The following CPE variants were observed in gnomAD, a reference collection of about 807,000 sequenced individuals.
CPE encodes carboxypeptidase E, also known as carbocypeptidase E.
A neutral mutation model predicts 53.5 loss-of-function variants in CPE; 17 were observed. That is an observed-to-expected ratio of 0.32 (90% CI 0.22 to 0.48). CPE has a LOEUF of 0.48. Among genes scored for constraint, CPE ranks in the 20% least tolerant of loss-of-function variants. The probability of loss-of-function intolerance (pLI) is 0.99; values close to 1 mark genes in which losing one functional copy is unlikely to be tolerated. For missense variants in CPE, 524 were observed against 614.7 expected (o/e 0.85, Z 1.56); for synonymous variants, 226 against 228.8 (o/e 0.99, Z 0.11).
intron 2 of CPE, among the ~76,000 whole-genome samples, chr4:165,465,140 G>GA (rs1302919575): frequency 1.3e-5 from 2 of 151,804 alleles, no homozygotes; most frequent in African/African-American, 4.8e-5. Context: ...AGATGAACTG[G>GA]AAAGTAATGC....
intron 1 of CPE, among the ~76,000 whole-genome samples, chr4:165,397,975 C>T (rs909431105): frequency 5.3e-5 from 8 of 150,510 alleles, no homozygotes; most frequent in Admixed American, 2.0e-4. Flanking sequence ...TTGCTTGAGC[C>T]CAGGAGTTGG....
rs4691199 is a variant in CPE, at chr4:165,451,209, C to T, written c.308-13181C>T. 4.9e-3 allele frequency among the ~76,000 whole-genome samples: 750 copies of T among 152,300 alleles called. 12 individuals are homozygous for T. In the East Asian group the frequency reaches 0.054, roughly 11 times the overall value. On this transcript the variant is annotated intron_variant, in intron 1 of 8. Transcript: ENST00000402744. ...GTCTGAATCAGGCCGATGTTATTGTCTATATTCCTGGAAGGATTGCTTAAT... is the reference window on the plus strand; with the variant it reads ...GTCTGAATCAGGCCGATGTTATTGTTTATATTCCTGGAAGGATTGCTTAAT...
intron 1 of CPE, among the ~76,000 whole-genome samples, chr4:165,424,690 C>T (rs112778025): frequency 0.29 from 44,508 of 151,276 alleles, 6,601 homozygotes; most frequent in Middle Eastern, 0.39. Context: ...CCCGCCACCA[C>T]GCCCGGCTAA....
At chr4:165,393,030 T>C (rs1730710212) in intron 1 of CPE, among the ~76,000 whole-genome samples, 1 of 151,958 alleles carries the variant, frequency 6.6e-6, no homozygotes, top group African/African-American at 2.4e-5. Context: ...TTGAGCACTC[T>C]CTAGTAAGCC....
At chr4:165,400,498 T>C (rs1374277241) in intron 1 of CPE, among the ~76,000 whole-genome samples, 1 of 152,114 alleles carries the variant, frequency 6.6e-6, no homozygotes, top group Non-Finnish European at 1.5e-5. Flanking sequence ...TGCCCAGTGC[T>C]GTGGAAGTTA....
At chr4:165,439,648 A>G (rs929251840) in intron 1 of CPE, among the ~76,000 whole-genome samples, 6 of 151,842 alleles carry the variant, frequency 4.0e-5, no homozygotes, top group African/African-American at 1.5e-4. Context: ...CAGGAGGTTC[A>G]TGTTACATTT....
At chr4:165,407,808 G>A (rs1035880950) in intron 1 of CPE, among the ~76,000 whole-genome samples, 5 of 151,598 alleles carry the variant, frequency 3.3e-5, no homozygotes, top group African/African-American at 4.8e-5. Flanking sequence ...TGCCTGCCTC[G>A]GCCTCCCAAA....
chr4:165,436,339 G>A (rs141211611), intron 1 of CPE, among the ~76,000 whole-genome samples: 21 of 152,044 alleles, frequency 1.4e-4, no homozygotes, highest in African/African-American at 4.6e-4. Context: ...TTTTCTAGGT[G>A]ATCTCATATA....
In CPE at chr4:165,405,956, A is replaced by T. The variant is rs1730946271; in HGVS notation, c.307+26428A>T. On this transcript the variant is annotated intron_variant, in intron 1 of 8. Transcript: ENST00000402744. ...CACAACAGGCTTTATGGACTTTTCA[A>T]GTTTCTCAAATGTTCTCTGTGCTTC... 8.2e-6 allele frequency: 6 copies of T among 732,086 alleles called. No homozygotes were observed. In the East Asian group the frequency reaches 1.6e-4, roughly 19 times the overall value. 45.3% of individuals were successfully genotyped at this position (732,086 alleles called of 1,614,324 possible). A position where few individuals can be genotyped will look rare whatever the true frequency, so the allele number is the denominator to read the frequency against.
intron 1 of CPE, among the ~76,000 whole-genome samples, chr4:165,455,497 G>C (rs1195795822): frequency 6.6e-6 from 1 of 152,142 alleles, no homozygotes; most frequent in Non-Finnish European, 1.5e-5. Flanking sequence ...AACTATTATA[G>C]CACTTTAAAA....
intron 1 of CPE, among the ~76,000 whole-genome samples, chr4:165,458,547 T>C (rs1313759934): frequency 6.6e-6 from 1 of 152,236 alleles, no homozygotes; most frequent in Non-Finnish European, 1.5e-5. Context: ...AGAATTCTGT[T>C]ACTATAATCA....
In CPE at chr4:165,379,267, C is replaced by G; in HGVS notation, c.46C>G (p.Leu16Val). ...GSALLALCGA[L>V]AACGWLLGAE... ...CGCGCTGCTGGCTCTGTGCGGGGCACTGGCTGCCTGCGGGTGGCTCCTGGG... is the reference window on the plus strand; with the variant it reads ...CGCGCTGCTGGCTCTGTGCGGGGCAGTGGCTGCCTGCGGGTGGCTCCTGGG... Residue 16 changes from leucine to valine, a missense_variant, in exon 1 of 9, where the codon CTG becomes GTG. Coordinates refer to ENST00000402744, the MANE Select transcript of CPE (RefSeq NM_001873.4). This position sits in a 1 kb window ranked among gnomAD's most constrained non-coding sequence, Gnocchi z 6.0. 1 of 1,452,102 alleles carries G rather than the reference C, an allele frequency of 6.9e-7. No homozygotes were observed. The highest frequency in any genetic ancestry group is 9.0e-7 in the Non-Finnish European group (1 of 1,112,924). 90.0% of individuals were successfully genotyped at this position (1,452,102 alleles called of 1,614,324 possible).
chr4:165,465,543 C>T (rs1732081656), intron 2 of CPE, among the ~76,000 whole-genome samples: 1 of 151,978 alleles, frequency 6.6e-6, no homozygotes, highest in African/African-American at 2.4e-5. Flanking sequence ...TCTAAACTTC[C>T]ATGACTTAAA....
intron 3 of CPE, among the ~76,000 whole-genome samples, chr4:165,470,541 C>A (rs1732187066): frequency 6.6e-6 from 1 of 152,140 alleles, no homozygotes; most frequent in East Asian, 1.9e-4. Flanking sequence ...AGCCGATCAC[C>A]AGTTTTAGGC....
chr4:165,438,078 G>A (rs114130240), intron 1 of CPE, among the ~76,000 whole-genome samples: 233 of 152,236 alleles, frequency 1.5e-3, no homozygotes, highest in African/African-American at 5.2e-3. Context: ...TCTTGAAGGC[G>A]CTTACTTAGG....
intron 1 of CPE, among the ~76,000 whole-genome samples, chr4:165,411,177 C>T (rs575933677): frequency 3.3e-5 from 5 of 151,970 alleles, no homozygotes; most frequent in African/African-American, 4.8e-5. Flanking sequence ...TTTTCTCCTC[C>T]GTGGAAAGAA....
chr4:165,466,207 C>T (rs992058559), intron 2 of CPE, among the ~76,000 whole-genome samples: 8 of 152,156 alleles, frequency 5.3e-5, no homozygotes, highest in African/African-American at 1.7e-4. Flanking sequence ...CAAGTCTGTA[C>T]AGCATGTTAC....
At chr4:165,404,463 A>C (rs1330350649) in intron 1 of CPE, 1 of 773,366 alleles carries the variant, frequency 1.3e-6, no homozygotes, top group Non-Finnish European at 2.4e-6. Flanking sequence ...CCCTTCCCAG[A>C]CTGGCGACCT....
intron 1 of CPE, among the ~76,000 whole-genome samples, chr4:165,396,011 C>T (rs1309680786): frequency 1.3e-5 from 2 of 152,008 alleles, no homozygotes; most frequent in African/African-American, 4.8e-5. Context: ...AAGGAGTTGC[C>T]CTAAAGAAGT....
Sources: allele counts gnomAD v4.1 joint callset (sites outside exome capture counted in the v4.1 genomes callset), GRCh38; gene constraint gnomAD v4.1.1; non-coding constraint Gnocchi (gnomAD v3.1); transcripts MANE v1.5; gene names NCBI Gene and HGNC (gene_info 2026-07-23, HGNC 2026-07-21).